Variants in CRYM observed in about 807,000 individuals in gnomAD.
CRYM encodes the protein ketimine reductase mu-crystallin.
In CRYM, 18 loss-of-function variants were observed where a neutral mutation model predicts 32.9. The ratio of observed to expected loss-of-function variants is 0.55; its 90% CI spans 0.38 to 0.81. The LOEUF (loss-of-function observed/expected upper bound fraction) is 0.81. CRYM is among the 30% of genes least tolerant of loss of function. The pLI is 0.00. For missense variants in CRYM, 337 were observed against 393.5 expected, an observed-to-expected ratio of 0.86 and a Z score of 1.21; for synonymous variants, 153 against 152.4, an observed-to-expected ratio of 1.00 and a Z score of -0.03.
rs182901500 is a variant in CRYM at position 21,291,743 on chromosome 16, C to G, written c.-193+11235G>C. ...TTGGTGAAGTGACCGGTGAACTTTT[C>G]TTTCATTTATTGTTGAATTGGTCTT... On this transcript the variant is annotated intron_variant, in intron 1 of 9. Transcript: ENST00000219599. Among the ~76,000 whole-genome samples, 9 of 152,162 alleles carry G rather than the reference C, an allele frequency of 5.9e-5. No homozygotes were observed. In the East Asian group the frequency reaches 1.2e-3, roughly 20 times the overall value.
At chr16:21,290,630 T>G (rs1353817311) in intron 1 of CRYM, among the ~76,000 whole-genome samples, 1 of 152,222 alleles carries the variant, frequency 6.6e-6, no homozygotes, top group South Asian at 2.1e-4. Context: ...TTTCCAGTAA[T>G]TTGAACTCAG....
intron 1 of CRYM, among the ~76,000 whole-genome samples, chr16:21,287,472 A>G (rs1180420433): frequency 6.6e-6 from 1 of 152,202 alleles, no homozygotes; most frequent in Non-Finnish European, 1.5e-5. Flanking sequence ...TTATGCTAAT[A>G]AAGTGACCCC....
At chr16:21,262,222 A>G (rs1192143566) in intron 5 of CRYM, 64 bp from the exon 6 acceptor site, 1 of 1,607,662 alleles carries the variant, frequency 6.2e-7, no homozygotes, top group East Asian at 2.2e-5. Context: ...AGAAGCCCAA[A>G]GCACAGGAGA....
At position 21,262,038 on chromosome 16, in the gene CRYM, C is replaced by G; in HGVS notation, c.794G>C (p.Gly265Ala). The G allele has an allele frequency of 6.2e-7, 1 of 1,613,914 alleles. No homozygotes were observed. The highest frequency in any genetic ancestry group is 8.5e-7 in the Non-Finnish European group (1 of 1,179,894). The change falls in exon 6 of 8, where the codon GGG (glycine) becomes GCG (alanine). Residue 265 changes from glycine to alanine, a missense_variant and splice_region_variant. Transcript: ENST00000572914. ...LKESGDVLLS[G>A]AEIFAELGEV... ...TGACTGGGGTCAGAAGGGCCTCACC[C>G]CTGACAGCAGGACATCTCCAGACTC...
At chr16:21,273,617 G>C (rs11641777) in intron 3 of CRYM, among the ~76,000 whole-genome samples, 27,491 of 152,144 alleles carry the variant, frequency 0.18, 3,126 homozygotes, top group Non-Finnish European at 0.25. Flanking sequence ...GCTTGCTTCT[G>C]TTGGAAACTT....
intron 1 of CRYM, among the ~76,000 whole-genome samples, chr16:21,298,300 C>T (rs1207663516): frequency 1.3e-5 from 2 of 152,144 alleles, no homozygotes; most frequent in East Asian, 1.9e-4. Flanking sequence ...GGTATATACC[C>T]GAGATACTTG....
chr16:21,277,454 G>A lies in CRYM; in HGVS notation c.301C>T (p.Pro101Ser). Reference sequence around the variant, plus strand: ...ACCGCCAGCAGGGTGCCATTGCTGGGCTCAAAGAGTAGCACAGTAGCCTGG... The same window carrying A: ...ACCGCCAGCAGGGTGCCATTGCTGGACTCAAAGAGTAGCACAGTAGCCTGG... Reference protein sequence around the residue: ...SHQATVLLFEPSNGTLLAVMD... With the variant: ...SHQATVLLFESSNGTLLAVMD... Residue 101 changes from proline to serine, a missense_variant, in exon 2 of 8, where the codon CCC becomes TCC. Transcript: ENST00000572914. The surrounding 1 kb of genome is among the most constrained non-coding windows in gnomAD (Gnocchi z 4.2). The A allele has an allele frequency of 6.2e-7, 1 of 1,613,588 alleles. No homozygotes were observed. Among genetic ancestry groups the A allele is most frequent in the Non-Finnish European group, 8.5e-7 (1 of 1,179,970 alleles).
At chr16:21,267,070 T>C (rs2093365201) in intron 5 of CRYM, among the ~76,000 whole-genome samples, 1 of 152,132 alleles carries the variant, frequency 6.6e-6, no homozygotes, top group Admixed American at 6.5e-5. Flanking sequence ...AGGTTTGTAA[T>C]TTCCCTTTTA....
chr16:21,283,352 A>G (rs1289031149), intron 1 of CRYM, among the ~76,000 whole-genome samples: 4 of 152,234 alleles, frequency 2.6e-5, no homozygotes, highest in Non-Finnish European at 4.4e-5. Flanking sequence ...TGAACAGAGT[A>G]CAAAAATTTT....
At position 21,297,762 on chromosome 16, in the gene CRYM, G is replaced by C. The variant is rs558929987; in HGVS notation, c.-193+5216C>G. 3.3e-5 allele frequency among the ~76,000 whole-genome samples: 5 copies of C among 152,240 alleles called. No homozygotes were observed. The South Asian group carries it at 1.0e-3, about 32-fold the overall frequency. On this transcript the variant is annotated intron_variant, in intron 1 of 9. Coordinates refer to the CRYM transcript ENST00000219599. ...CATGTAATTACAGAACAGTGTGGGA[G>C]AACTTCTATAGAACATATTGGTCCT...
intron 7 of CRYM, among the ~76,000 whole-genome samples, chr16:21,260,672 A>T (rs905541538): frequency 1.1e-4 from 16 of 152,166 alleles, no homozygotes; most frequent in African/African-American, 3.1e-4. Context: ...CAGACTGGCC[A>T]CTGGGAGCCC....
intron 1 of CRYM, among the ~76,000 whole-genome samples, chr16:21,290,872 G>T (rs1960633709): frequency 6.6e-6 from 1 of 151,902 alleles, no homozygotes; most frequent in Admixed American, 6.6e-5. Flanking sequence ...CTTTTTCATT[G>T]GTTATATAAA....
chr16:21,293,571 A>T (rs2152865372), intron 1 of CRYM, among the ~76,000 whole-genome samples: 1 of 152,340 alleles, frequency 6.6e-6, no homozygotes, highest in Non-Finnish European at 1.5e-5. Flanking sequence ...TAATCTTGAG[A>T]GATATTAATT....
At position 21,296,963 on chromosome 16, in the gene CRYM, C is replaced by T. The variant is rs542802486; in HGVS notation, c.-193+6015G>A. On this transcript the variant is annotated intron_variant, in intron 1 of 9. Transcript: ENST00000219599. Reference sequence around the variant, plus strand: ...GGTGGAGCTTGCAGTGAGCCGAGATCGCGCCACCGACTCCAGCCTGGGCGA... The same window carrying T: ...GGTGGAGCTTGCAGTGAGCCGAGATTGCGCCACCGACTCCAGCCTGGGCGA... 5.3e-5 allele frequency among the ~76,000 whole-genome samples: 8 copies of T among 151,844 alleles called. No individual in the cohort carries two copies. In the East Asian group the frequency reaches 9.7e-4, roughly 18 times the overall value.
chr16:21,284,064 T>C (rs1375577004), intron 1 of CRYM: 1 of 151,678 alleles, frequency 6.6e-6, no homozygotes. Flanking sequence ...CCGCTGCCCG[T>C]GGTCGGCGCG....
intron 5 of CRYM, 38 bp downstream of exon 5, chr16:21,267,516 C>G (rs369141047): frequency 1.2e-6 from 2 of 1,607,172 alleles, no homozygotes; most frequent in Non-Finnish European, 1.7e-6. Flanking sequence ...AGGAGCCTGG[C>G]CACCACCCAT....
At chr16:21,260,242 C>T (rs1162490763) in intron 7 of CRYM, among the ~76,000 whole-genome samples, 1 of 152,194 alleles carries the variant, frequency 6.6e-6, no homozygotes, top group Non-Finnish European at 1.5e-5. Flanking sequence ...AGGATAGCAA[C>T]TGTTTACCAA....
At chr16:21,276,345 G>C (rs2093386474) in intron 2 of CRYM, among the ~76,000 whole-genome samples, 2 of 152,222 alleles carry the variant, frequency 1.3e-5, no homozygotes, top group Non-Finnish European at 2.9e-5. Context: ...TTGGCAGGTA[G>C]TATGAATGCC....
intron 1 of CRYM, among the ~76,000 whole-genome samples, chr16:21,286,339 T>C (rs2093407201): frequency 6.6e-6 from 1 of 151,420 alleles, no homozygotes; most frequent in Non-Finnish European, 1.5e-5. Context: ...TGCCTCAGCC[T>C]CCCAAGTAGC....
Sources: gnomAD v4.1 joint callset for allele counts (sites outside exome capture counted in the v4.1 genomes callset) on GRCh38, gnomAD v4.1.1 for gene constraint, Gnocchi (gnomAD v3.1) non-coding constraint, MANE v1.5 for transcripts, NCBI Gene and HGNC (gene_info 2026-07-23, HGNC 2026-07-21) for gene names.